Variants in RAVER2 observed in about 807,000 individuals in gnomAD.
The protein encoded by RAVER2 is ribonucleoprotein PTB-binding 2.
A neutral mutation model predicts 78.1 loss-of-function variants in RAVER2; 46 were observed. The ratio of observed to expected loss-of-function variants is 0.59; its 90% CI spans 0.46 to 0.75. RAVER2 has a LOEUF of 0.75. Among genes scored for constraint, RAVER2 ranks in the 30% least tolerant of loss-of-function variants. The pLI, the probability that RAVER2 is intolerant of heterozygous loss-of-function variation, is 0.00. For synonymous variants in RAVER2, 311 were observed against 313.3 expected (o/e 0.99, Z 0.08); for missense variants, 793 against 837.5 (o/e 0.95, Z 0.66).
intron 9 of RAVER2, among the ~76,000 whole-genome samples, chr1:64,808,496 C>T (rs1040992264): frequency 1.7e-5 from 2 of 119,320 alleles, no homozygotes; most frequent in South Asian, 5.8e-4. Context: ...AAGTCTTGCT[C>T]TGTTGCCCAG....
At chr1:64,789,239 G>A in intron 4 of RAVER2, 149 bp from the exon 5 acceptor site, 1 of 622,768 alleles carries the variant, frequency 1.6e-6, no homozygotes, top group South Asian at 3.7e-5. Context: ...GCAGTAGAGA[G>A]TATAAAATAG....
intron 1 of RAVER2, among the ~76,000 whole-genome samples, chr1:64,754,391 T>C (rs1651792046): frequency 6.6e-6 from 1 of 152,220 alleles, no homozygotes; most frequent in African/African-American, 2.4e-5. Context: ...ACCTAGAAAC[T>C]GACACATTGT....
intron 2 of RAVER2, among the ~76,000 whole-genome samples, chr1:64,772,168 G>A (rs1652338023): frequency 6.6e-6 from 1 of 152,032 alleles, no homozygotes. Flanking sequence ...ATGAGAACTA[G>A]TATGTGAATT....
chr1:64,788,836 A>G (rs911375450), intron 4 of RAVER2, among the ~76,000 whole-genome samples: 5 of 151,988 alleles, frequency 3.3e-5, no homozygotes, highest in African/African-American at 7.2e-5. Context: ...GGCAACCCAC[A>G]TTGTTAAACT....
intron 4 of RAVER2, among the ~76,000 whole-genome samples, chr1:64,788,624 C>G (rs965281562): frequency 6.6e-6 from 1 of 151,730 alleles, no homozygotes; most frequent in Non-Finnish European, 1.5e-5. Context: ...AACCCCGTCT[C>G]CACTAAAAAT....
chr1:64,796,956 G>T (rs369986143), intron 5 of RAVER2, among the ~76,000 whole-genome samples: 14 of 151,876 alleles, frequency 9.2e-5, no homozygotes, highest in African/African-American at 3.4e-4. Flanking sequence ...ATACTTTTTG[G>T]TTTCCATTTT....
chr1:64,821,070 T>A (rs1168100801), intron 11 of RAVER2, among the ~76,000 whole-genome samples: 1 of 152,238 alleles, frequency 6.6e-6, no homozygotes, highest in Non-Finnish European at 1.5e-5. Context: ...CAGCATCTGC[T>A]ATTTTTTGAC....
Position 64,826,872 on chromosome 1 carries a change from G to A in RAVER2, c.1930-3967G>A, listed in dbSNP as rs183932796. 2.3e-3 allele frequency among the ~76,000 whole-genome samples: 347 copies of A among 152,272 alleles called. 6 individuals carry two copies. In the South Asian group the frequency reaches 0.032, roughly 14 times the overall value. ...GGAAGCTGGAGTCAGTGGGGTATACGAGGGTAAGAGAGGAGCCAAGTCCCC... is the reference window on the plus strand; with the variant it reads ...GGAAGCTGGAGTCAGTGGGGTATACAAGGGTAAGAGAGGAGCCAAGTCCCC... On this transcript the variant is annotated intron_variant, in intron 11 of 11. Transcript: ENST00000294428.
At chr1:64,829,710 C>T (rs532663926) in intron 11 of RAVER2, among the ~76,000 whole-genome samples, 1 of 152,182 alleles carries the variant, frequency 6.6e-6, no homozygotes, top group Non-Finnish European at 1.5e-5. Context: ...CCCAGACATA[C>T]TTTACTACCA....
At chr1:64,830,049 G>A (rs1468181857) in intron 11 of RAVER2, among the ~76,000 whole-genome samples, 1 of 152,172 alleles carries the variant, frequency 6.6e-6, no homozygotes, top group African/African-American at 2.4e-5. Context: ...AGGCTCCTGT[G>A]TGTTACTGGA....
intron 9 of RAVER2, among the ~76,000 whole-genome samples, chr1:64,812,077 G>A (rs1320194476): frequency 6.6e-6 from 1 of 152,010 alleles, no homozygotes; most frequent in Admixed American, 6.6e-5. Context: ...CAGGCGCGGT[G>A]GGTCACGCCT....
intron 10 of RAVER2, among the ~76,000 whole-genome samples, chr1:64,814,213 G>C (rs1460304815): frequency 2.0e-5 from 3 of 152,076 alleles, no homozygotes; most frequent in Non-Finnish European, 4.4e-5. Flanking sequence ...TTATGTCTCA[G>C]CCTCCCAAGT....
At chr1:64,779,240 A>G (rs1652559959) in intron 3 of RAVER2, among the ~76,000 whole-genome samples, 2 of 151,984 alleles carry the variant, frequency 1.3e-5, no homozygotes, top group Admixed American at 1.3e-4. Context: ...TATTTCTCTT[A>G]TCTAACTGAA....
intron 5 of RAVER2, among the ~76,000 whole-genome samples, chr1:64,793,578 T>G (rs1005252909): frequency 5.3e-5 from 8 of 152,256 alleles, no homozygotes; most frequent in African/African-American, 1.9e-4. Context: ...GAGGAATAGT[T>G]TATGTACATT....
At chr1:64,798,886 G>T (rs1421288797) in intron 5 of RAVER2, among the ~76,000 whole-genome samples, 4 of 152,086 alleles carry the variant, frequency 2.6e-5, no homozygotes, top group Non-Finnish European at 5.9e-5. Context: ...TCAAATGAAG[G>T]TAATTAGCAT....
chr1:64,794,062 A>C (rs1653022724), intron 5 of RAVER2, among the ~76,000 whole-genome samples: 1 of 152,078 alleles, frequency 6.6e-6, no homozygotes, highest in Non-Finnish European at 1.5e-5. Flanking sequence ...TTTGATAATT[A>C]ACTATCTGTG....
chr1:64,807,992 G>A (rs150926737), intron 9 of RAVER2, among the ~76,000 whole-genome samples: 2 of 152,202 alleles, frequency 1.3e-5, no homozygotes, highest in East Asian at 3.9e-4. Flanking sequence ...TAGTAATGCT[G>A]TTCTTTCAAA....
rs1651494630 is a variant in RAVER2, at chr1:64,745,312, C to T, written c.140C>T (p.Ala47Val). Residue 47 changes from alanine to valine, a missense_variant, in exon 1 of 12, where the codon GCC becomes GTC. Physicochemically the swap from Ala to Val is moderately conservative, Grantham distance 64. Coordinates refer to ENST00000294428, the Ensembl canonical transcript of RAVER2. This position sits in a 1 kb window ranked among gnomAD's most constrained non-coding sequence, Gnocchi z 4.3. The stretch of plus-strand genomic sequence containing the variant: ...GAGGGCGCCCCGGACCCGATGCCCG[C>T]CGCGCTGCACCCTGAGGAGGTCGCC... 2 of 1,514,120 alleles carry T rather than the reference C, an allele frequency of 1.3e-6. No homozygotes were observed. Among genetic ancestry groups the T allele is most frequent in the Non-Finnish European group, 1.8e-6 (2 of 1,129,842 alleles). The allele number at this position is 1,514,120 out of a possible 1,614,324, so 93.8% of individuals were successfully genotyped here.
intron 9 of RAVER2, among the ~76,000 whole-genome samples, chr1:64,811,779 A>C (rs1157954232): frequency 1.3e-5 from 2 of 152,198 alleles, no homozygotes; most frequent in Admixed American, 6.5e-5. Flanking sequence ...TGGGTAGACA[A>C]GGGTTATACA....
Sources: gnomAD v4.1 joint callset for allele counts (sites outside exome capture counted in the v4.1 genomes callset) on GRCh38, gnomAD v4.1.1 for gene constraint, Gnocchi (gnomAD v3.1) non-coding constraint, MANE v1.5 for transcripts, NCBI Gene and HGNC (gene_info 2026-07-23, HGNC 2026-07-21) for gene names.